MAST3: variants seen among roughly 807,000 people sequenced by gnomAD.
MAST3 encodes microtubule-associated serine/threonine-protein kinase 3.
Under a neutral mutation model 127.0 loss-of-function variants are expected in MAST3, and 43 were observed. The ratio of observed to expected loss-of-function variants is 0.34; its 90% CI spans 0.27 to 0.44. The LOEUF (loss-of-function observed/expected upper bound fraction) is 0.44. MAST3 is among the 20% of genes least tolerant of loss of function. The pLI, the probability that MAST3 is intolerant of heterozygous loss-of-function variation, is 1.00. For missense variants in MAST3, 1,390 were observed against 1,919.1 expected, an observed-to-expected ratio of 0.72 and a Z score of 5.15; for synonymous variants, 785 against 809.2, an observed-to-expected ratio of 0.97 and a Z score of 0.51.
intron 2 of MAST3, chr19:18,109,872 C>A: frequency 2.2e-6 from 2 of 914,424 alleles, no homozygotes; most frequent in Non-Finnish European, 2.6e-6. Context: ...GCTCAGATCC[C>A]GGCTCCCAGA....
At chr19:18,114,427 G>A (rs540640849) in intron 3 of MAST3, among the ~76,000 whole-genome samples, 1 of 152,204 alleles carries the variant, frequency 6.6e-6, no homozygotes, top group African/African-American at 2.4e-5. Flanking sequence ...GAGTTCAAGC[G>A]ATCTGCCCAT....
chr19:18,116,466 A>AT (rs1216370517), intron 3 of MAST3, among the ~76,000 whole-genome samples: 3 of 147,180 alleles, frequency 2.0e-5, no homozygotes, highest in Non-Finnish European at 3.0e-5. Flanking sequence ...CTAATTTTGT[A>AT]TTTTTTTTAG....
intron 2 of MAST3, among the ~76,000 whole-genome samples, chr19:18,108,032 T>C (rs1200060590): frequency 6.6e-6 from 1 of 152,166 alleles, no homozygotes; most frequent in Non-Finnish European, 1.5e-5. Flanking sequence ...GGCTCCCGCC[T>C]GTAATCCCAG....
At chr19:18,131,293 C>T (rs1016240680) in intron 14 of MAST3, among the ~76,000 whole-genome samples, 3 of 152,054 alleles carry the variant, frequency 2.0e-5, no homozygotes, top group African/African-American at 4.8e-5. Flanking sequence ...GCAGGAGATT[C>T]GCTTGAACTC....
rs910538240 is a variant in MAST3, at chr19:18,129,137, T to G, written c.1223+186T>G. The G allele has an allele frequency of 6.8e-5, 42 of 613,294 alleles. No individual in the cohort carries two copies. The African/African-American group carries it at 7.0e-4, about 10-fold the overall frequency. The allele number at this position is 613,294 out of a possible 1,614,324, so 38.0% of individuals were successfully genotyped here. A position where few individuals can be genotyped will look rare whatever the true frequency, so the allele number is the denominator to read the frequency against. On this transcript the variant is annotated intron_variant, in intron 13 of 27. Coordinates refer to ENST00000687212, the MANE Select transcript of MAST3 (RefSeq NM_001393504.1). ...ACGCCATAGCGAGGTTACAGCCTCATGTGTGCTCTGTCCACGAGCCAGGCC... is the reference window on the plus strand; with the variant it reads ...ACGCCATAGCGAGGTTACAGCCTCAGGTGTGCTCTGTCCACGAGCCAGGCC...
rs532608306 is a variant in MAST3, at chr19:18,112,476, A to C, written c.161+1735A>C. Among the ~76,000 whole-genome samples the C allele has an allele frequency of 6.6e-6, 1 of 152,278 alleles. No homozygotes were observed. The highest frequency in any genetic ancestry group is 2.4e-5 in the African/African-American group (1 of 41,540). On this transcript the variant is annotated intron_variant, in intron 3 of 27. Transcript: ENST00000687212. The surrounding 1 kb of genome is among the most constrained non-coding windows in gnomAD (Gnocchi z 4.1). ...CAGCCTCCCAAGTAGCTGGGATTACAGGCACACACCAACACTCCCGGCTAA... is the reference window on the plus strand; with the variant it reads ...CAGCCTCCCAAGTAGCTGGGATTACCGGCACACACCAACACTCCCGGCTAA...
At chr19:18,098,446 C>A (rs1223707290) in intron 1 of MAST3, among the ~76,000 whole-genome samples, 1 of 152,124 alleles carries the variant, frequency 6.6e-6, no homozygotes, top group Non-Finnish European at 1.5e-5. Flanking sequence ...GGGAGGGCAC[C>A]CTTGCTTCTC....
rs202104754 is a variant in MAST3, at chr19:18,121,844, C to G, written c.251-9C>G. ...CGCTGACTCAGTTTCCCCGCCTCCT[C>G]CTCAGCAGGCAGCAGCCCCTTGGAT... On this transcript the variant is annotated splice_polypyrimidine_tract_variant and intron_variant, in intron 4 of 27. Transcript: ENST00000687212. The G allele has an allele frequency of 2.5e-6, 4 of 1,614,014 alleles. No individual in the cohort carries two copies. Among genetic ancestry groups the G allele is most frequent in the Non-Finnish European group, 3.4e-6 (4 of 1,179,858 alleles).
chr19:18,129,122 G>A (rs572311852), intron 13 of MAST3, 171 bp downstream of exon 13: 44 of 639,346 alleles, frequency 6.9e-5, no homozygotes, highest in Non-Finnish European at 1.1e-4. Flanking sequence ...ACGCCATAGC[G>A]AGGTTACAGC....
intron 11 of MAST3, among the ~76,000 whole-genome samples, chr19:18,125,337 T>TTG (rs1348083654): frequency 6.6e-6 from 1 of 152,240 alleles, no homozygotes; most frequent in East Asian, 1.9e-4. Flanking sequence ...GGCCTTCCCT[T>TTG]TGTCCTGCAA....
chr19:18,129,938 G>GAAAGAAA (rs1491376017), intron 13 of MAST3, among the ~76,000 whole-genome samples: 1 of 142,848 alleles, frequency 7.0e-6, no homozygotes, highest in African/African-American at 2.6e-5. Context: ...AAAAAAAAAA[G>GAAAGAAA]GAAAGAAAGA....
chr19:18,100,126 C>CTTTTTTTTTTTTTT (rs201140700), intron 1 of MAST3, among the ~76,000 whole-genome samples: 8 of 117,036 alleles, frequency 6.8e-5, no homozygotes, highest in South Asian at 2.5e-4. Context: ...CTCTCTCTCT[C>CTTTTTTTTTTTTTT]TCTTTTTTTT....
At position 18,143,962 on chromosome 19, in the gene MAST3, C is replaced by T; in HGVS notation, c.2539C>T (p.Pro847Ser). Residue 847 changes from proline to serine, a missense_variant, in exon 22 of 28, where the codon CCA becomes TCA. Coordinates refer to ENST00000687212, the MANE Select transcript of MAST3 (RefSeq NM_001393504.1). ...CTTCATTCTAGGGGAGCCTGACCCC[C>T]CACCAGCGGCCACCCCAGTGATGCC... The part of the protein sequence containing the change: ...PVFILGEPDP[P>S]PAATPVMPKP... 6.3e-7 allele frequency: 1 copy of T among 1,593,750 alleles called. No homozygotes were observed. The highest frequency in any genetic ancestry group is 8.5e-7 in the Non-Finnish European group (1 of 1,170,308).
chr19:18,113,216 C>G (rs188491138), intron 3 of MAST3, among the ~76,000 whole-genome samples: 14 of 152,188 alleles, frequency 9.2e-5, no homozygotes, highest in Non-Finnish European at 1.6e-4. Flanking sequence ...GGGTCCCTGC[C>G]TGCCATGTTC....
chr19:18,142,056 G>T, intron 21 of MAST3, 41 bp downstream of exon 21: 1 of 1,385,616 alleles, frequency 7.2e-7, no homozygotes, highest in South Asian at 1.9e-5. Flanking sequence ...CAGCTTCCAA[G>T]CCTGCTGGGA....
rs147706800 is a variant in MAST3, at chr19:18,143,298, G to A, written c.2340-465G>A. ...GGTTTTAAAAGTTGAATAGGAAGCC[G>A]GGTGCAGTGGCTCACGCCTGTAATC... is the stretch of plus-strand genomic sequence containing the variant. On this transcript the variant is annotated intron_variant, in intron 21 of 27. Coordinates refer to ENST00000687212, the MANE Select transcript of MAST3 (RefSeq NM_001393504.1). 9.1e-3 allele frequency among the ~76,000 whole-genome samples: 1,389 copies of A among 152,074 alleles called. 10 individuals are homozygous for A. Among genetic ancestry groups the A allele is most frequent in the Non-Finnish European group, 0.015 (1,046 of 67,966 alleles).
Position 18,124,385 on chromosome 19 carries a change from G to A in MAST3, c.945+19G>A, listed in dbSNP as rs374093066. 42 of 1,574,596 alleles carry A rather than the reference G, an allele frequency of 2.7e-5. No homozygotes were observed. The Middle Eastern group carries it at 6.6e-4, about 25-fold the overall frequency. On this transcript the variant is annotated intron_variant, in intron 10 of 27. Coordinates refer to ENST00000687212, the MANE Select transcript of MAST3 (RefSeq NM_001393504.1). ...GTGTCTGGTAAGTTTCTCTTTCTAC[G>A]GCCAGCTTGGGGTCCAGGCAGAACT...
Position 18,149,359 on chromosome 19 carries a change from C to G in MAST3, c.3677C>G (p.Pro1226Arg). 2.0e-6 allele frequency: 3 copies of G among 1,505,230 alleles called. No homozygotes were observed. Among genetic ancestry groups the G allele is most frequent in the Non-Finnish European group, 2.7e-6 (3 of 1,130,538 alleles). The allele number at this position is 1,505,230 out of a possible 1,614,324, so 93.2% of individuals were successfully genotyped here. A position where few individuals can be genotyped will look rare whatever the true frequency, so the allele number is the denominator to read the frequency against. ...TCCACCAGCAGCATCCCGCCCTCCC[C>G]GCTGGCCTGCCCGCCCATCTCCGCG... ...RKSTSSIPPS[P>R]LACPPISAPP... The change falls in exon 28 of 28, where the codon CCG (proline) becomes CGG (arginine). Residue 1226 changes from proline to arginine, a missense_variant. Coordinates refer to ENST00000687212, the MANE Select transcript of MAST3 (RefSeq NM_001393504.1). The surrounding 1 kb of genome is among the most constrained non-coding windows in gnomAD (Gnocchi z 5.9).
intron 20 of MAST3, among the ~76,000 whole-genome samples, chr19:18,141,207 A>G: frequency 6.6e-6 from 1 of 152,030 alleles, no homozygotes; most frequent in Non-Finnish European, 1.5e-5. Flanking sequence ...AGGACTTTCT[A>G]GTCAACAGCA....
Sources: gnomAD v4.1 joint callset for allele counts (sites outside exome capture counted in the v4.1 genomes callset) on GRCh38, gnomAD v4.1.1 for gene constraint, Gnocchi (gnomAD v3.1) non-coding constraint, MANE v1.5 for transcripts, NCBI Gene and HGNC (gene_info 2026-07-23, HGNC 2026-07-21) for gene names.